Variants in DLGAP1 observed in about 807,000 individuals in gnomAD.
The protein encoded by DLGAP1 is DLG associated protein 1.
DLGAP1 carries 11 observed loss-of-function variants against 90.8 expected under a neutral mutation model. The observed-to-expected ratio is 0.12, with a 90% CI of 0.08 to 0.20. DLGAP1 has a LOEUF of 0.20. Ranked by LOEUF, DLGAP1 falls within the 10% of genes least tolerant of loss-of-function variation. DLGAP1 has a pLI of 1.00. For synonymous variants in DLGAP1, 558 were observed against 540.7 expected (o/e 1.03, Z -0.44); for missense variants, 1,050 against 1,333.8 (o/e 0.79, Z 3.31).
intron 2 of DLGAP1, among the ~76,000 whole-genome samples, chr18:4,072,285 G>A (rs139397304): frequency 1.1e-3 from 127 of 119,984 alleles, no homozygotes; most frequent in African/African-American, 3.9e-3. Context: ...TGACTTCACT[G>A]GTAATGATGA....
chr18:3,959,669 A>AAAAGAAAG (rs35192992), intron 3 of DLGAP1, among the ~76,000 whole-genome samples: 20 of 149,206 alleles, frequency 1.3e-4, no homozygotes, highest in Non-Finnish European at 2.1e-4. Context: ...GTCTCAAAAA[A>AAAAGAAAG]AAAGAAAGAA....
intron 4 of DLGAP1, among the ~76,000 whole-genome samples, chr18:3,840,699 TC>T (rs1305504415): frequency 1.3e-5 from 2 of 152,268 alleles, no homozygotes; most frequent in Non-Finnish European, 2.9e-5. Context: ...CCATTGTTAA[TC>T]GAGTACTTAC....
intron 2 of DLGAP1, among the ~76,000 whole-genome samples, chr18:4,037,776 A>G (rs2074912824): frequency 6.6e-6 from 1 of 152,226 alleles, no homozygotes; most frequent in South Asian, 2.1e-4. Context: ...CCTGGCCAAC[A>G]TAGTGAAACC....
chr18:4,066,380 G>A (rs1366108878), intron 2 of DLGAP1, among the ~76,000 whole-genome samples: 2 of 152,010 alleles, frequency 1.3e-5, no homozygotes, highest in Non-Finnish European at 2.9e-5. Flanking sequence ...ACTATCAACA[G>A]AGTAAACAGA....
chr18:3,612,862 C>T (rs56091844), intron 7 of DLGAP1, among the ~76,000 whole-genome samples: 4,761 of 151,168 alleles, frequency 0.031, 97 homozygotes, highest in African/African-American at 0.057. Context: ...TTTTTTGAGA[C>T]GGAGTTTTTG....
At chr18:3,880,944 G>GAAAAAAAAAAAAAAAAAAA (rs1173817359) in intron 3 of DLGAP1, among the ~76,000 whole-genome samples, 1 of 38,358 alleles carries the variant, frequency 2.6e-5, no homozygotes, top group Non-Finnish European at 5.3e-5. Flanking sequence ...CTCCATCTCA[G>GAAAAAAAAAAAAAAAAAAA]AAAAAAAAAA....
intron 10 of DLGAP1, among the ~76,000 whole-genome samples, chr18:3,532,903 T>A (rs77609306): frequency 0.061 from 9,318 of 152,272 alleles, 535 homozygotes; most frequent in African/African-American, 0.15. Flanking sequence ...GTAATTTGAT[T>A]ATTTTTCTTT....
chr18:3,823,062 T>C (rs556388055), intron 4 of DLGAP1, among the ~76,000 whole-genome samples: 1 of 152,222 alleles, frequency 6.6e-6, no homozygotes, highest in Non-Finnish European at 1.5e-5. Context: ...AGTGAATACG[T>C]ATAGGTTTAG....
chr18:3,884,689 A>G (rs1305743287), intron 3 of DLGAP1, among the ~76,000 whole-genome samples: 1 of 152,216 alleles, frequency 6.6e-6, no homozygotes, highest in Non-Finnish European at 1.5e-5. Context: ...AATCATACAC[A>G]GTGTGTTTTT....
chr18:3,786,933 A>G (rs1471526960), intron 5 of DLGAP1, among the ~76,000 whole-genome samples: 1 of 148,776 alleles, frequency 6.7e-6, no homozygotes, highest in African/African-American at 2.5e-5. Context: ...AACCTAATAG[A>G]GATTTCATGG....
intron 2 of DLGAP1, among the ~76,000 whole-genome samples, chr18:4,066,280 G>A (rs562310854): frequency 6.6e-6 from 1 of 152,058 alleles, no homozygotes; most frequent in Non-Finnish European, 1.5e-5. Context: ...GATGCCAAAA[G>A]CAATTGCAAC....
chr18:3,516,218 CT>C (rs200518767), intron 10 of DLGAP1, among the ~76,000 whole-genome samples: 16 of 148,492 alleles, frequency 1.1e-4, no homozygotes, highest in East Asian at 3.9e-4. Context: ...AGAAGTTTTT[CT>C]TTTTTTTTTA....
chr18:4,291,575 G>T (rs1171788176), intron 1 of DLGAP1, among the ~76,000 whole-genome samples: 1 of 151,842 alleles, frequency 6.6e-6, no homozygotes, highest in Non-Finnish European at 1.5e-5. Flanking sequence ...CACACATTTG[G>T]ATTATTTTAT....
At chr18:3,599,659 TG>T (rs2145695288) in intron 7 of DLGAP1, among the ~76,000 whole-genome samples, 1 of 152,288 alleles carries the variant, frequency 6.6e-6, no homozygotes, top group East Asian at 1.9e-4. Flanking sequence ...CTCACTCTGT[TG>T]TCAGGCTAGA....
At chr18:3,984,592 T>A (rs7407336) in intron 3 of DLGAP1, among the ~76,000 whole-genome samples, 61,140 of 151,996 alleles carry the variant, frequency 0.4, 13,928 homozygotes, top group Non-Finnish European at 0.51. Flanking sequence ...ATCTTTAATG[T>A]TCTTTCCCAA....
chr18:4,432,688 C>T (rs1458557653), intron 1 of DLGAP1, among the ~76,000 whole-genome samples: 1 of 151,664 alleles, frequency 6.6e-6, no homozygotes, highest in East Asian at 1.9e-4. Flanking sequence ...AGTCACAATG[C>T]TGTACAATAG....
At chr18:3,876,936 T>G (rs1007779204) in intron 4 of DLGAP1, among the ~76,000 whole-genome samples, 1 of 152,198 alleles carries the variant, frequency 6.6e-6, no homozygotes, top group Non-Finnish European at 1.5e-5. Context: ...ATTTTCTTCT[T>G]GCTCACCATT....
At chr18:4,017,969 A>G (rs1599333540) in intron 2 of DLGAP1, among the ~76,000 whole-genome samples, 1 of 152,312 alleles carries the variant, frequency 6.6e-6, no homozygotes, top group South Asian at 2.1e-4. Flanking sequence ...GACAGCATTA[A>G]TCTTATCACT....
intron 3 of DLGAP1, among the ~76,000 whole-genome samples, chr18:3,952,572 C>T (rs2073009420): frequency 6.6e-6 from 1 of 152,168 alleles, no homozygotes; most frequent in Non-Finnish European, 1.5e-5. Flanking sequence ...CCTAGTGTTG[C>T]TATTGAGCCA....
Sources: gnomAD v4.1 joint callset for allele counts (sites outside exome capture counted in the v4.1 genomes callset) on GRCh38, gnomAD v4.1.1 for gene constraint, MANE v1.5 for transcripts, NCBI Gene and HGNC (gene_info 2026-07-23, HGNC 2026-07-21) for gene names.